The following PEX14 variants were observed in gnomAD, a reference collection of about 807,000 sequenced individuals.
PEX14 encodes the protein peroxisomal biogenesis factor 14, also known as peroxisomal membrane protein PEX14.
A neutral mutation model predicts 49.5 loss-of-function variants in PEX14; 15 were observed. That is an observed-to-expected ratio of 0.30 (90% CI 0.20 to 0.47). The LOEUF (loss-of-function observed/expected upper bound fraction) is 0.47. PEX14 is among the 20% of genes least tolerant of loss of function. The pLI is 1.00. For missense variants in PEX14, 398 were observed against 494.8 expected (o/e 0.80, Z 1.86); for synonymous variants, 210 against 212.7 (o/e 0.99, Z 0.11).
At chr1:10,605,538 A>G (rs1406182550) in intron 4 of PEX14, among the ~76,000 whole-genome samples, 2 of 152,254 alleles carry the variant, frequency 1.3e-5, no homozygotes, top group Admixed American at 6.5e-5. Flanking sequence ...GGTAGACCCA[A>G]GGTGTCAAGG....
chr1:10,500,081 G>A (rs769141172), intron 2 of PEX14, among the ~76,000 whole-genome samples: 1 of 152,024 alleles, frequency 6.6e-6, no homozygotes, highest in Non-Finnish European at 1.5e-5. Flanking sequence ...GGCGTATTTT[G>A]ATGGATTCAG....
At chr1:10,617,364 G>C (rs1641455662) in intron 4 of PEX14, among the ~76,000 whole-genome samples, 1 of 151,976 alleles carries the variant, frequency 6.6e-6, no homozygotes, top group African/African-American at 2.4e-5. Flanking sequence ...TGCTGTCCAG[G>C]GTCATGGCAC....
chr1:10,589,843 C>G lies in PEX14; in HGVS notation c.170-9395C>G, dbSNP rs141501561. Among the ~76,000 whole-genome samples the G allele has an allele frequency of 1.4e-3, 218 of 152,318 alleles. 4 individuals are homozygous for G. In the East Asian group the frequency reaches 0.032, roughly 22 times the overall value. ...GACTTCCAAAGTTTCTCAGTTTGCT[C>G]TTCCACAGCACCCTCACTGGCATTG... On this transcript the variant is annotated intron_variant, in intron 3 of 8. Coordinates refer to ENST00000356607, the MANE Select transcript of PEX14 (RefSeq NM_004565.3).
Position 10,628,798 on chromosome 1 carries a change from G to A in PEX14, c.678-733G>A, listed in dbSNP as rs1201731883. ...GGGACAGCCCTGCGGGCAGGGCTTT[G>A]TCCTCTTGGCTCAGGCAGAGATGGG... is the stretch of plus-strand genomic sequence containing the variant. On this transcript the variant is annotated intron_variant, in intron 8 of 8. Coordinates refer to ENST00000356607, the MANE Select transcript of PEX14 (RefSeq NM_004565.3). The surrounding 1 kb of genome is among the most constrained non-coding windows in gnomAD (Gnocchi z 4.5). Among the ~76,000 whole-genome samples the A allele has an allele frequency of 6.6e-6, 1 of 152,204 alleles. No homozygotes were observed. The highest frequency in any genetic ancestry group is 2.4e-5 in the African/African-American group (1 of 41,446).
intron 4 of PEX14, among the ~76,000 whole-genome samples, chr1:10,614,135 A>G (rs1447059586): frequency 6.6e-6 from 1 of 152,180 alleles, no homozygotes; most frequent in Non-Finnish European, 1.5e-5. Flanking sequence ...GGACTGTGCT[A>G]ATGTTTTTGC....
chr1:10,522,327 C>G (rs559895066), intron 2 of PEX14, among the ~76,000 whole-genome samples: 2 of 152,332 alleles, frequency 1.3e-5, no homozygotes, highest in East Asian at 3.9e-4. Context: ...ATATTGTTGC[C>G]AGACAGAGAA....
intron 2 of PEX14, among the ~76,000 whole-genome samples, chr1:10,504,436 CCT>C (rs2124422540): frequency 6.6e-6 from 1 of 152,304 alleles, no homozygotes; most frequent in South Asian, 2.1e-4. Context: ...ATAAATTACC[CCT>C]GTCAGGAAGA....
chr1:10,478,906 C>T (rs1254284955), intron 1 of PEX14, among the ~76,000 whole-genome samples: 22 of 152,052 alleles, frequency 1.4e-4, no homozygotes, highest in Admixed American at 1.1e-3. Flanking sequence ...CCACCACGCC[C>T]GGCTATTTTT....
intron 3 of PEX14, among the ~76,000 whole-genome samples, chr1:10,575,412 G>A (rs1239115630): frequency 6.6e-6 from 1 of 152,032 alleles, no homozygotes; most frequent in Non-Finnish European, 1.5e-5. Flanking sequence ...TAAATAAATG[G>A]CATTTTGTAC....
chr1:10,618,273 C>T (rs1641485248), intron 4 of PEX14, 59 bp from the exon 5 acceptor site: 1 of 1,373,028 alleles, frequency 7.3e-7, no homozygotes. Context: ...TGTGCCAGCC[C>T]CCACCCGAAG....
At chr1:10,522,238 C>T (rs962457680) in intron 2 of PEX14, among the ~76,000 whole-genome samples, 20 of 152,330 alleles carry the variant, frequency 1.3e-4, no homozygotes, top group African/African-American at 4.8e-4. Context: ...GAAATAAATG[C>T]TTTTATAGAA....
chr1:10,560,709 T>A (rs2124528401), intron 3 of PEX14, among the ~76,000 whole-genome samples: 1 of 146,542 alleles, frequency 6.8e-6, no homozygotes, highest in South Asian at 2.2e-4. Context: ...GTTGTTAACA[T>A]TTTGCCACCT....
In PEX14 at chr1:10,628,965, C is replaced by T. The variant is rs1256155300; in HGVS notation, c.678-566C>T. On this transcript the variant is annotated intron_variant, in intron 8 of 8. Transcript: ENST00000356607. The surrounding 1 kb of genome is among the most constrained non-coding windows in gnomAD (Gnocchi z 4.5). ...GCAGAAGGGAGAGCTGCCTCTTCTGCGTTGAAAGTGTTGAGCTCAGAAGTT... is the reference window on the plus strand; with the variant it reads ...GCAGAAGGGAGAGCTGCCTCTTCTGTGTTGAAAGTGTTGAGCTCAGAAGTT... 1.3e-5 allele frequency among the ~76,000 whole-genome samples: 2 copies of T among 152,200 alleles called. No homozygotes were observed. The highest frequency in any genetic ancestry group is 2.9e-5 in the Non-Finnish European group (2 of 68,036).
chr1:10,550,643 A>T (rs1426817696), intron 3 of PEX14, among the ~76,000 whole-genome samples: 1 of 152,238 alleles, frequency 6.6e-6, no homozygotes, highest in South Asian at 2.1e-4. Flanking sequence ...GCATTCACAC[A>T]TACATTTGCC....
At chr1:10,557,056 A>G (rs1293361318) in intron 3 of PEX14, among the ~76,000 whole-genome samples, 1 of 150,462 alleles carries the variant, frequency 6.6e-6, no homozygotes, top group Non-Finnish European at 1.5e-5. Context: ...CTCTTCTCTC[A>G]TCTTTCTTTT....
At chr1:10,593,847 T>A (rs970749755) in intron 3 of PEX14, among the ~76,000 whole-genome samples, 3 of 152,240 alleles carry the variant, frequency 2.0e-5, no homozygotes, top group Non-Finnish European at 2.9e-5. Flanking sequence ...TATTTATGGC[T>A]GTAATATCAA....
intron 1 of PEX14, among the ~76,000 whole-genome samples, chr1:10,482,996 A>G (rs962405438): frequency 1.1e-4 from 17 of 152,178 alleles, no homozygotes; most frequent in African/African-American, 3.9e-4. Context: ...TTGTGAGAAT[A>G]TTATGTAAGT....
At chr1:10,563,927 A>T (rs923396892) in intron 3 of PEX14, among the ~76,000 whole-genome samples, 15 of 151,328 alleles carry the variant, frequency 9.9e-5, no homozygotes, top group African/African-American at 3.6e-4. Context: ...GAAAAAAAAA[A>T]AGTTATTTCA....
At chr1:10,565,418 G>A (rs1237688113) in intron 3 of PEX14, among the ~76,000 whole-genome samples, 2 of 151,400 alleles carry the variant, frequency 1.3e-5, no homozygotes, top group Non-Finnish European at 3.0e-5. Flanking sequence ...AGCCCTCTAT[G>A]GGTCCCAACA....
Sources: allele counts gnomAD v4.1 joint callset (sites outside exome capture counted in the v4.1 genomes callset), GRCh38; gene constraint gnomAD v4.1.1; non-coding constraint Gnocchi (gnomAD v3.1); transcripts MANE v1.5; gene names NCBI Gene and HGNC (gene_info 2026-07-23, HGNC 2026-07-21).